The following BICRA variants were observed in gnomAD, a reference collection of about 807,000 sequenced individuals.
BICRA encodes the protein BRD4 interacting chromatin remodeling complex associated protein.
Under a neutral mutation model 96.9 loss-of-function variants are expected in BICRA, and 31 were observed. The observed-to-expected ratio is 0.32, with a 90% CI of 0.24 to 0.43. BICRA has a LOEUF of 0.43. BICRA is among the 20% of genes least tolerant of loss of function. BICRA has a pLI of 1.00. For missense variants in BICRA, 2,283 were observed against 2,190.3 expected (o/e 1.04, Z -0.84); for synonymous variants, 1,350 against 1,071.8 (o/e 1.26, Z -5.07).
At chr19:47,654,979 T>G (rs1243775443) in intron 1 of BICRA, among the ~76,000 whole-genome samples, 1 of 152,122 alleles carries the variant, frequency 6.6e-6, no homozygotes, top group Non-Finnish European at 1.5e-5. Flanking sequence ...ATATCATATT[T>G]GCAGATTTCA....
chr19:47,701,270 G>T lies in BICRA; in HGVS notation c.3596-58G>T. The T allele has an allele frequency of 7.9e-7, 1 of 1,265,062 alleles. No individual in the cohort carries two copies. The highest frequency in any genetic ancestry group is 1.2e-5 in the South Asian group (1 of 81,210). 78.4% of individuals were successfully genotyped at this position (1,265,062 alleles called of 1,614,324 possible). Reference sequence around the variant, plus strand: ...TGCTCACTGCACACAGCTCCTCCCAGCTCGGTCGGGGGGTCCTCATCCTAA... The same window carrying T: ...TGCTCACTGCACACAGCTCCTCCCATCTCGGTCGGGGGGTCCTCATCCTAA... On this transcript the variant is annotated intron_variant, in intron 14 of 14. Coordinates refer to ENST00000594866, the MANE Select transcript of BICRA (RefSeq NM_001394372.1). The surrounding 1 kb of genome is among the most constrained non-coding windows in gnomAD (Gnocchi z 5.4).
At chr19:47,661,443 C>A (rs565213991) in intron 1 of BICRA, among the ~76,000 whole-genome samples, 1 of 150,926 alleles carries the variant, frequency 6.6e-6, no homozygotes, top group East Asian at 2.0e-4. Flanking sequence ...AGGGGGTTCG[C>A]GGGGAGGAGC....
intron 1 of BICRA, among the ~76,000 whole-genome samples, chr19:47,630,463 C>T (rs1224240608): frequency 6.6e-6 from 1 of 152,062 alleles, no homozygotes; most frequent in Non-Finnish European, 1.5e-5. Context: ...TGAGCCACTG[C>T]GCCCGGCCTA....
intron 9 of BICRA, 23 bp from the exon 10 acceptor site, chr19:47,695,342 T>TCCGC: frequency 9.5e-6 from 6 of 630,198 alleles, no homozygotes; most frequent in South Asian, 3.9e-5. Flanking sequence ...AGGCCCTGTC[T>TCCGC]CCCCCACCCC....
chr19:47,665,904 C>T (rs879509622), intron 1 of BICRA, among the ~76,000 whole-genome samples: 5 of 152,230 alleles, frequency 3.3e-5, no homozygotes, highest in Admixed American at 6.5e-5. Flanking sequence ...AGGCCATGTG[C>T]GGCAAACAGC....
In BICRA at chr19:47,675,272, C is replaced by CA. The variant is rs1407355059; in HGVS notation, c.85-577dup. Among the ~76,000 whole-genome samples, 3 of 152,142 alleles carry CA rather than the reference C, an allele frequency of 2.0e-5. No individual in the cohort carries two copies. The highest frequency in any genetic ancestry group is 4.8e-5 in the African/African-American group (2 of 41,420). On this transcript the variant is annotated intron_variant, in intron 4 of 14. Transcript: ENST00000594866. This position sits in a 1 kb window ranked among gnomAD's most constrained non-coding sequence, Gnocchi z 4.7. ...GTTCTGGAGAGATGTCCAGATGGAA[C>CA]AAGAAATTAGGGAAGCCCGAGCCAT...
At chr19:47,664,047 A>C (rs992624383) in intron 1 of BICRA, among the ~76,000 whole-genome samples, 2 of 152,216 alleles carry the variant, frequency 1.3e-5, no homozygotes. Flanking sequence ...GCACAGAGTC[A>C]GGCTTCTGCG....
chr19:47,615,517 C>T (rs1375082862), intron 1 of BICRA, among the ~76,000 whole-genome samples: 1 of 152,174 alleles, frequency 6.6e-6, no homozygotes, highest in African/African-American at 2.4e-5. Flanking sequence ...AATCCCAGTT[C>T]TGCTATTTGC....
rs548552284 is a variant in BICRA at position 47,675,112 on chromosome 19, G to A, written c.85-739G>A. On this transcript the variant is annotated intron_variant, in intron 4 of 14. Transcript: ENST00000594866. This position sits in a 1 kb window ranked among gnomAD's most constrained non-coding sequence, Gnocchi z 4.7. ...GACTTGCTGGTGGACTCGATGTTGA[G>A]GGGGAGAGAGTGTCCACCATGGCTC... Among the ~76,000 whole-genome samples the A allele has an allele frequency of 2.0e-5, 3 of 152,166 alleles. No homozygotes were observed. The highest frequency in any genetic ancestry group is 1.9e-4 in the East Asian group (1 of 5,196).
chr19:47,698,616 TC>T lies in BICRA; in HGVS notation c.3249-14del. ...CCCACCCTCCGCCGTGTGTGGTCTC[TC>T]CCCTTTCCACCCGCAGTTTCCTGGA... On this transcript the variant is annotated splice_polypyrimidine_tract_variant and intron_variant, in intron 11 of 14. Transcript: ENST00000594866. This position sits in a 1 kb window ranked among gnomAD's most constrained non-coding sequence, Gnocchi z 4.8. 1.1e-6 allele frequency: 1 copy of T among 940,768 alleles called. No individual in the cohort carries two copies. Among genetic ancestry groups the T allele is most frequent in the Non-Finnish European group, 1.6e-6 (1 of 614,956 alleles). The allele number at this position is 940,768 out of a possible 1,614,324, so 58.3% of individuals were successfully genotyped here.
chr19:47,684,085 G>A (rs1973108711), intron 7 of BICRA, among the ~76,000 whole-genome samples: 1 of 152,218 alleles, frequency 6.6e-6, no homozygotes. Context: ...TCCATCAGCA[G>A]GTGCCTAGGC....
At position 47,693,218 on chromosome 19, in the gene BICRA, T is replaced by C. The variant is rs545977146; in HGVS notation, c.2284-897T>C. On this transcript the variant is annotated intron_variant, in intron 7 of 14. Coordinates refer to ENST00000594866, the MANE Select transcript of BICRA (RefSeq NM_001394372.1). The stretch of plus-strand genomic sequence containing the variant: ...TACACAGTGGCTGCTCTGGTTATGA[T>C]TCTTTGGGAGGAGGGTCCAGAACGG... Among the ~76,000 whole-genome samples the C allele has an allele frequency of 9.2e-4, 140 of 152,340 alleles. 1 individual carries two copies. Among genetic ancestry groups the C allele is most frequent in the Non-Finnish European group, 1.6e-3 (108 of 68,030 alleles).
chr19:47,693,274 C>T (rs1384511891), intron 7 of BICRA, among the ~76,000 whole-genome samples: 1 of 152,206 alleles, frequency 6.6e-6, no homozygotes, highest in Non-Finnish European at 1.5e-5. Flanking sequence ...ATGCTTTAGG[C>T]GAGGTGGCTG....
At chr19:47,655,141 T>C (rs947474390) in intron 1 of BICRA, among the ~76,000 whole-genome samples, 1 of 152,208 alleles carries the variant, frequency 6.6e-6, no homozygotes, top group Non-Finnish European at 1.5e-5. Flanking sequence ...CCTGCTTTCT[T>C]ATTCTCTTAC....
intron 1 of BICRA, among the ~76,000 whole-genome samples, chr19:47,658,751 C>T (rs1019922410): frequency 7.2e-5 from 11 of 152,038 alleles, no homozygotes; most frequent in Non-Finnish European, 7.4e-5. Flanking sequence ...AGTCTCAGGC[C>T]GCACCGGGAC....
chr19:47,682,132 TC>T lies in BICRA; in HGVS notation c.2267del (p.Pro756ArgfsTer13). 6 of 1,488,770 alleles carry T rather than the reference TC, an allele frequency of 4.0e-6. No individual in the cohort carries two copies. Among genetic ancestry groups the T allele is most frequent in the Admixed American group, 1.9e-5 (1 of 51,762 alleles). 92.2% of individuals were successfully genotyped at this position (1,488,770 alleles called of 1,614,324 possible). On this transcript the variant is annotated frameshift_variant, in exon 7 of 15. Transcript: ENST00000594866. LOFTEE classifies it high-confidence loss of function. ...CCCTCAGGCCCCCGACAGCCAGGCTTCCCCGGCTCCGGCCCCCCAGGTAGAG... is the reference window on the plus strand; with the variant it reads ...CCCTCAGGCCCCCGACAGCCAGGCTTCCCGGCTCCGGCCCCCCAGGTAGAG... ...LGPQAPDSQA[S>X]PAPAPQIPAA...
At chr19:47,634,499 G>T (rs779803914) in intron 1 of BICRA, among the ~76,000 whole-genome samples, 1 of 152,108 alleles carries the variant, frequency 6.6e-6, no homozygotes. Flanking sequence ...TCACTGGCAC[G>T]CTGTCTGCAG....
intron 1 of BICRA, among the ~76,000 whole-genome samples, chr19:47,635,063 C>T (rs935483039): frequency 2.0e-5 from 3 of 151,620 alleles, no homozygotes; most frequent in African/African-American, 4.8e-5. Context: ...CTCCTGGCCA[C>T]ATACGTAAAG....
intron 6 of BICRA, 113 bp downstream of exon 6, chr19:47,681,389 G>A (rs954508538): frequency 2.1e-6 from 2 of 940,850 alleles, no homozygotes; most frequent in African/African-American, 3.3e-5. Flanking sequence ...GGCAGCTGGG[G>A]GGGGAAGGTC....
Sources: gnomAD v4.1 joint callset for allele counts (sites outside exome capture counted in the v4.1 genomes callset) on GRCh38, gnomAD v4.1.1 for gene constraint, Gnocchi (gnomAD v3.1) non-coding constraint, MANE v1.5 for transcripts, NCBI Gene and HGNC (gene_info 2026-07-23, HGNC 2026-07-21) for gene names.